Variants in CPD observed in about 807,000 individuals in gnomAD.
CPD encodes metallocarboxypeptidase D.
CPD carries 69 observed loss-of-function variants against 138.3 expected under a neutral mutation model. The ratio of observed to expected loss-of-function variants is 0.50; its 90% CI spans 0.41 to 0.61. The LOEUF (loss-of-function observed/expected upper bound fraction) is 0.61, where lower values mean the gene tolerates loss of function less well. Ranked by LOEUF, CPD falls within the 20% of genes least tolerant of loss-of-function variation. The pLI, the probability that CPD is intolerant of heterozygous loss-of-function variation, is 0.00. For missense variants in CPD, 1,432 were observed against 1,733.3 expected, an observed-to-expected ratio of 0.83 and a Z score of 3.09; for synonymous variants, 651 against 642.1, an observed-to-expected ratio of 1.01 and a Z score of -0.21.
chr17:30,429,805 G>A (rs953121545), intron 7 of CPD, among the ~76,000 whole-genome samples: 8 of 152,068 alleles, frequency 5.3e-5, no homozygotes, highest in Non-Finnish European at 8.8e-5. Flanking sequence ...GGAAATATGC[G>A]GGGGAAACTA....
At chr17:30,423,832 C>T (rs980663101) in intron 6 of CPD, 135 bp downstream of exon 6, 3 of 625,082 alleles carry the variant, frequency 4.8e-6, no homozygotes, top group Non-Finnish European at 7.7e-6. Flanking sequence ...TTGATTTTAG[C>T]TCTTGTATTC....
chr17:30,427,928 A>G (rs1027435384), intron 7 of CPD, among the ~76,000 whole-genome samples: 4 of 126,618 alleles, frequency 3.2e-5, no homozygotes, highest in Non-Finnish European at 4.8e-5. Flanking sequence ...CTGTCCCCCT[A>G]CTCTGTTCTT....
intron 1 of CPD, among the ~76,000 whole-genome samples, chr17:30,384,693 T>G (rs1911133867): frequency 1.3e-5 from 2 of 152,232 alleles, no homozygotes; most frequent in South Asian, 4.1e-4. Flanking sequence ...CCTGAAATAT[T>G]AATTTATACT....
At chr17:30,390,672 G>A (rs1442149063) in intron 2 of CPD, among the ~76,000 whole-genome samples, 1 of 152,168 alleles carries the variant, frequency 6.6e-6, no homozygotes, top group African/African-American at 2.4e-5. Context: ...AGCATATCTA[G>A]CTGCCTATGT....
intron 2 of CPD, among the ~76,000 whole-genome samples, chr17:30,387,473 C>T (rs1011069699): frequency 6.6e-6 from 1 of 152,142 alleles, no homozygotes; most frequent in African/African-American, 2.4e-5. Flanking sequence ...GCTATGAAAA[C>T]AGCTATTACT....
chr17:30,379,057 G>T lies in CPD; in HGVS notation c.77G>T (p.Gly26Val), dbSNP rs939490647. 25 of 1,563,154 alleles carry T rather than the reference G, an allele frequency of 1.6e-5. No individual in the cohort carries two copies. Among genetic ancestry groups the T allele is most frequent in the African/African-American group, 4.2e-5 (3 of 71,012 alleles). ...TTGCTCATGTGCCTGCTGCTGCTGGGGAGCTCGGCCCGGGCGGCTCACATC... is the reference window on the plus strand; with the variant it reads ...TTGCTCATGTGCCTGCTGCTGCTGGTGAGCTCGGCCCGGGCGGCTCACATC... The part of the protein sequence containing the change: ...LLLLMCLLLL[G>V]SSARAAHIKK... The change falls in exon 1 of 21, where the codon GGG (glycine) becomes GTG (valine). Residue 26 changes from glycine (G) to valine (V), a missense_variant. Transcript: ENST00000225719. The surrounding 1 kb of genome is among the most constrained non-coding windows in gnomAD (Gnocchi z 7.0).
intron 1 of CPD, among the ~76,000 whole-genome samples, chr17:30,381,080 C>T (rs996009432): frequency 1.3e-5 from 2 of 152,160 alleles, no homozygotes; most frequent in Non-Finnish European, 2.9e-5. Flanking sequence ...CGTCTTCTAT[C>T]TTTTACTTTA....
intron 2 of CPD, among the ~76,000 whole-genome samples, chr17:30,416,138 G>A (rs2321853): frequency 0.5 from 76,409 of 152,000 alleles, 19,700 homozygotes; most frequent in East Asian, 0.82. Flanking sequence ...TTCGAGACCA[G>A]CCTCAACATG....
intron 9 of CPD, 63 bp from the exon 10 acceptor site, chr17:30,442,245 C>G (rs1003566254): frequency 3.3e-6 from 5 of 1,509,394 alleles, no homozygotes; most frequent in Non-Finnish European, 4.5e-6. Flanking sequence ...TGTTGCTTAC[C>G]TTTTGGGATC....
At chr17:30,406,153 T>C (rs1254156367) in intron 2 of CPD, among the ~76,000 whole-genome samples, 1 of 152,028 alleles carries the variant, frequency 6.6e-6, no homozygotes, top group Non-Finnish European at 1.5e-5. Context: ...GACTTTTTAT[T>C]TAACTTAAAT....
intron 14 of CPD, among the ~76,000 whole-genome samples, chr17:30,452,048 A>G (rs1252299046): frequency 6.6e-6 from 1 of 152,242 alleles, no homozygotes; most frequent in Admixed American, 6.5e-5. Context: ...TAAGTTTTTC[A>G]TAGAAATTCA....
At chr17:30,420,310 G>C (rs944105597) in intron 2 of CPD, among the ~76,000 whole-genome samples, 1 of 152,130 alleles carries the variant, frequency 6.6e-6, no homozygotes, top group African/African-American at 2.4e-5. Context: ...TCTTGATAAA[G>C]GCAAGTACAG....
intron 2 of CPD, among the ~76,000 whole-genome samples, chr17:30,396,127 G>A (rs1405983834): frequency 2.0e-5 from 3 of 151,972 alleles, no homozygotes; most frequent in East Asian, 1.9e-4. Context: ...CTCACTTATT[G>A]CCTATAAAAA....
At chr17:30,433,400 GT>G (rs1912612697) in intron 8 of CPD, among the ~76,000 whole-genome samples, 1 of 151,932 alleles carries the variant, frequency 6.6e-6, no homozygotes, top group Non-Finnish European at 1.5e-5. Context: ...TCTTCTCTTT[GT>G]TTTCTTAGAC....
chr17:30,422,994 T>G lies in CPD; in HGVS notation c.1628T>G (p.Ile543Arg). 1 of 1,613,234 alleles carries G rather than the reference T, an allele frequency of 6.2e-7. No individual in the cohort carries two copies. Among genetic ancestry groups the G allele is most frequent in the Non-Finnish European group, 8.5e-7 (1 of 1,179,354 alleles). Reference sequence around the variant, plus strand: ...TCAAGAGAACTTTATGTGATGGAGATATCTGATAATCCGGGTGTCCATGAA... The same window carrying G: ...TCAAGAGAACTTTATGTGATGGAGAGATCTGATAATCCGGGTGTCCATGAA... Reference protein sequence around the residue: ...VESRELYVMEISDNPGVHEPG... With the variant: ...VESRELYVMERSDNPGVHEPG... Residue 543 changes from isoleucine (I) to arginine (R), a missense_variant, in exon 5 of 21, where the codon ATA becomes AGA. Physicochemically the swap from Ile to Arg is moderately conservative, Grantham distance 97. Around this residue, in one of 6 missense-constraint regions of CPD, gnomAD observed 297 missense variants for 405.3 expected, o/e 0.73. Coordinates refer to ENST00000225719, the MANE Select transcript of CPD (RefSeq NM_001304.5).
chr17:30,384,398 T>C (rs1911127458), intron 1 of CPD, among the ~76,000 whole-genome samples: 1 of 152,222 alleles, frequency 6.6e-6, no homozygotes, highest in South Asian at 2.1e-4. Flanking sequence ...ACCTAACATA[T>C]ATGCAATGAA....
chr17:30,424,391 A>G (rs1306811060), intron 6 of CPD, among the ~76,000 whole-genome samples: 1 of 152,142 alleles, frequency 6.6e-6, no homozygotes, highest in Non-Finnish European at 1.5e-5. Context: ...AAAAGAGAGG[A>G]GGCATAATGA....
At position 30,379,590 on chromosome 17, in the gene CPD, G is replaced by A; in HGVS notation, c.610G>A (p.Gly204Arg). ...DCGFGDGGPS[G>R]ASGRDNSRGR... ...TGGCTTCGGCGACGGCGGCCCGTCC[G>A]GGGCCAGCGGCCGCGACAATAGTCG... Residue 204 changes from glycine (G) to arginine (R), a missense_variant, in exon 1 of 21, where the codon GGG becomes AGG. Coordinates refer to ENST00000225719, the MANE Select transcript of CPD (RefSeq NM_001304.5). This position sits in a 1 kb window ranked among gnomAD's most constrained non-coding sequence, Gnocchi z 7.0. 1 of 1,484,992 alleles carries A rather than the reference G, an allele frequency of 6.7e-7. No individual in the cohort carries two copies. The highest frequency in any genetic ancestry group is 2.8e-5 in the Admixed American group (1 of 35,244). The allele number at this position is 1,484,992 out of a possible 1,614,324, so 92.0% of individuals were successfully genotyped here. A position where few individuals can be genotyped will look rare whatever the true frequency, so the allele number is the denominator to read the frequency against.
chr17:30,442,711 T>C (rs1372700902), intron 10 of CPD, among the ~76,000 whole-genome samples: 2 of 152,128 alleles, frequency 1.3e-5, no homozygotes, highest in Admixed American at 6.6e-5. Context: ...CTCTTAAGGG[T>C]TAGTGGTCAC....
Sources: allele counts gnomAD v4.1 joint callset (sites outside exome capture counted in the v4.1 genomes callset), GRCh38; gene constraint gnomAD v4.1.1; regional missense constraint gnomAD v4.1.1; non-coding constraint Gnocchi (gnomAD v3.1); transcripts MANE v1.5; gene names NCBI Gene and HGNC (gene_info 2026-07-23, HGNC 2026-07-21).